CTDSPL2: variants seen among roughly 807,000 people sequenced by gnomAD.
The protein encoded by CTDSPL2 is CTD small phosphatase like 2.
Under a neutral mutation model 60.0 loss-of-function variants are expected in CTDSPL2, and 5 were observed. That is an observed-to-expected ratio of 0.08 (90% confidence interval 0.04 to 0.18). The LOEUF is 0.18. CTDSPL2 is among the 10% of genes least tolerant of loss of function. The pLI is 1.00. For synonymous variants in CTDSPL2, 186 were observed against 189.3 expected (o/e 0.98, Z 0.14); for missense variants, 370 against 548.8 (o/e 0.67, Z 3.26).
chr15:44,435,732 G>C (rs1040295980), intron 1 of CTDSPL2, among the ~76,000 whole-genome samples: 1 of 150,010 alleles, frequency 6.7e-6, no homozygotes, highest in Non-Finnish European at 1.5e-5. Context: ...TCAGCCTCTT[G>C]AGTAGCTGGG....
chr15:44,429,536 G>C (rs1453778262), intron 1 of CTDSPL2, among the ~76,000 whole-genome samples: 2 of 152,186 alleles, frequency 1.3e-5, no homozygotes, highest in Non-Finnish European at 2.9e-5. Flanking sequence ...CGTGCATTCA[G>C]TACTTGCACT....
intron 1 of CTDSPL2, among the ~76,000 whole-genome samples, chr15:44,453,775 A>G (rs2080379174): frequency 6.6e-6 from 1 of 152,034 alleles, no homozygotes; most frequent in South Asian, 2.1e-4. Context: ...TTATGGCTGC[A>G]TAGTATTCCA....
chr15:44,455,511 G>A (rs569152493), intron 1 of CTDSPL2, among the ~76,000 whole-genome samples: 135 of 152,266 alleles, frequency 8.9e-4, no homozygotes, highest in Admixed American at 4.6e-3. Flanking sequence ...TTTTCAAAGG[G>A]AATGCTCCCA....
At chr15:44,449,129 A>T (rs149714528) in intron 1 of CTDSPL2, 1 of 316,896 alleles carries the variant, frequency 3.2e-6, no homozygotes, top group Non-Finnish European at 6.3e-6. Flanking sequence ...TATTTAAGAT[A>T]CTAGGTGGGA....
chr15:44,459,226 T>C (rs755325740), intron 2 of CTDSPL2, 26 bp downstream of exon 2: 2 of 1,546,658 alleles, frequency 1.3e-6, no homozygotes, highest in South Asian at 1.2e-5. Context: ...TATACTTTCA[T>C]ATCATTAAAA....
intron 8 of CTDSPL2, among the ~76,000 whole-genome samples, chr15:44,512,965 C>T (rs756560519): frequency 3.3e-5 from 5 of 151,378 alleles, no homozygotes; most frequent in Admixed American, 6.6e-5. Flanking sequence ...CCAGCTGCTC[C>T]GGAGGCTGGG....
intron 1 of CTDSPL2, among the ~76,000 whole-genome samples, chr15:44,453,435 T>A (rs1196708069): frequency 6.6e-6 from 1 of 152,154 alleles, no homozygotes; most frequent in Non-Finnish European, 1.5e-5. Flanking sequence ...TTAAATTCTT[T>A]TTATTATACT....
At chr15:44,434,497 G>A (rs1404958858) in intron 1 of CTDSPL2, among the ~76,000 whole-genome samples, 1 of 152,174 alleles carries the variant, frequency 6.6e-6, no homozygotes, top group East Asian at 1.9e-4. Flanking sequence ...GGGCTCAAGC[G>A]ATCCTCCTGC....
intron 2 of CTDSPL2, among the ~76,000 whole-genome samples, chr15:44,462,686 T>C (rs2080597248): frequency 6.8e-6 from 1 of 146,582 alleles, no homozygotes; most frequent in African/African-American, 2.5e-5. Flanking sequence ...ACTCTTGAAC[T>C]AGAACACTCA....
rs2081858379 is a variant in CTDSPL2 at position 44,525,510 on chromosome 15, G to A, written c.*1336G>A. On this transcript the variant is annotated 3_prime_UTR_variant, in exon 13 of 13. Transcript: ENST00000260327. Reference sequence around the variant, plus strand: ...CATTAACATGCCACAGGCTCAGACTGTTTTTGTGTAAAGGATGTCAAAGAA... The same window carrying A: ...CATTAACATGCCACAGGCTCAGACTATTTTTGTGTAAAGGATGTCAAAGAA... 2 of 398,818 alleles carry A rather than the reference G, an allele frequency of 5.0e-6. No homozygotes were observed. The highest frequency in any genetic ancestry group is 8.9e-6 in the Non-Finnish European group (2 of 225,912). The allele number at this position is 398,818 out of a possible 1,614,324, so 24.7% of individuals were successfully genotyped here. A position where few individuals can be genotyped will look rare whatever the true frequency, so the allele number is the denominator to read the frequency against.
chr15:44,449,240 C>A, intron 1 of CTDSPL2: 1 of 263,092 alleles, frequency 3.8e-6, no homozygotes, highest in Non-Finnish European at 7.9e-6. Context: ...CAGGATCTTT[C>A]ACTTTCAGTG....
chr15:44,523,931 C>T (rs188451225), intron 12 of CTDSPL2, among the ~76,000 whole-genome samples, 178 bp from the exon 13 acceptor site: 8 of 152,156 alleles, frequency 5.3e-5, no homozygotes, highest in South Asian at 2.1e-4. Flanking sequence ...AAATCTTCAA[C>T]GAAATTCTTT....
chr15:44,527,796 G>A lies in CTDSPL2; in HGVS notation c.*3622G>A, dbSNP rs1427766724. 1 of 152,120 alleles carries A rather than the reference G, an allele frequency of 6.6e-6. No homozygotes were observed. Among genetic ancestry groups the A allele is most frequent in the Non-Finnish European group, 1.5e-5 (1 of 68,004 alleles). 9.4% of individuals were successfully genotyped at this position (152,120 alleles called of 1,614,324 possible). On this transcript the variant is annotated 3_prime_UTR_variant, in exon 13 of 13. Coordinates refer to ENST00000260327, the MANE Select transcript of CTDSPL2 (RefSeq NM_016396.3). ...GGAAGAGTGGACTGGGAACAAAAATGTATGGGCCAAAAGGCCTTAGGGTTG... is the reference window on the plus strand; with the variant it reads ...GGAAGAGTGGACTGGGAACAAAAATATATGGGCCAAAAGGCCTTAGGGTTG...
At chr15:44,453,024 T>C (rs773454137) in intron 1 of CTDSPL2, among the ~76,000 whole-genome samples, 2 of 152,184 alleles carry the variant, frequency 1.3e-5, no homozygotes, top group Non-Finnish European at 1.5e-5. Flanking sequence ...TTTTTAATTT[T>C]TATGAAGTCA....
chr15:44,428,483 A>G (rs961746756), intron 1 of CTDSPL2, among the ~76,000 whole-genome samples: 1 of 152,226 alleles, frequency 6.6e-6, no homozygotes, highest in African/African-American at 2.4e-5. Context: ...ATAATTGCAT[A>G]AGTAAATCTT....
At chr15:44,445,700 C>T (rs1279965011) in intron 1 of CTDSPL2, among the ~76,000 whole-genome samples, 2 of 151,374 alleles carry the variant, frequency 1.3e-5, no homozygotes, top group Admixed American at 6.6e-5. Context: ...TGCAGTGGCA[C>T]GATCTTGGCT....
chr15:44,478,971 A>G (rs2080974064), intron 2 of CTDSPL2, among the ~76,000 whole-genome samples: 1 of 152,152 alleles, frequency 6.6e-6, no homozygotes, highest in African/African-American at 2.4e-5. Flanking sequence ...AAAAACAAAT[A>G]AAAAATAATA....
chr15:44,445,936 C>CT (rs1331359164), intron 1 of CTDSPL2, among the ~76,000 whole-genome samples: 1,992 of 124,048 alleles, frequency 0.016, 38 homozygotes, highest in Middle Eastern at 0.064. Context: ...TGTGCCTGGC[C>CT]TTTTTTTTTT....
At chr15:44,428,821 T>C (rs532655301) in intron 1 of CTDSPL2, among the ~76,000 whole-genome samples, 21 of 152,336 alleles carry the variant, frequency 1.4e-4, no homozygotes, top group African/African-American at 5.1e-4. Flanking sequence ...TTTTTTATTC[T>C]TAGAAAAGGG....
Sources: allele counts gnomAD v4.1 joint callset (sites outside exome capture counted in the v4.1 genomes callset), GRCh38; gene constraint gnomAD v4.1.1; transcripts MANE v1.5; gene names NCBI Gene and HGNC (gene_info 2026-07-23, HGNC 2026-07-21).